The following ANKS1B variants were observed in gnomAD, a reference collection of about 807,000 sequenced individuals.
The protein encoded by ANKS1B is ankyrin repeat and sterile alpha motif domain containing 1B.
A neutral mutation model predicts 148.3 loss-of-function variants in ANKS1B; 36 were observed. The observed-to-expected ratio is 0.24, with a 90% confidence interval of 0.19 to 0.32. ANKS1B has a LOEUF of 0.32. Among genes scored for constraint, ANKS1B ranks in the 10% least tolerant of loss-of-function variants. The pLI is 1.00. For synonymous variants in ANKS1B, 542 were observed against 560.8 expected (o/e 0.97, Z 0.47); for missense variants, 1,157 against 1,542.6 (o/e 0.75, Z 4.19).
At chr12:99,867,734 AC>A (rs1310659810) in intron 1 of ANKS1B, among the ~76,000 whole-genome samples, 7 of 152,222 alleles carry the variant, frequency 4.6e-5, no homozygotes, top group Non-Finnish European at 8.8e-5. Context: ...GCCAGATCAT[AC>A]CACCAACATT....
intron 8 of ANKS1B, among the ~76,000 whole-genome samples, chr12:99,686,393 G>A (rs996761023): frequency 1.3e-5 from 2 of 152,068 alleles, no homozygotes; most frequent in African/African-American, 4.8e-5. Flanking sequence ...ATACCTCATT[G>A]TAGCCAATCA....
intron 15 of ANKS1B, among the ~76,000 whole-genome samples, chr12:99,144,692 G>T (rs1271480278): frequency 4.0e-5 from 6 of 151,898 alleles, no homozygotes; most frequent in Non-Finnish European, 7.4e-5. Flanking sequence ...AGTAGGATGT[G>T]GCCTTATTTG....
intron 16 of ANKS1B, among the ~76,000 whole-genome samples, chr12:99,079,507 A>G (rs1230994998): frequency 1.3e-5 from 2 of 152,208 alleles, no homozygotes; most frequent in African/African-American, 4.8e-5. Flanking sequence ...GCAATGAACA[A>G]AAGTGAATAC....
chr12:98,951,755 C>T (rs1162226009), intron 17 of ANKS1B, among the ~76,000 whole-genome samples: 6 of 152,222 alleles, frequency 3.9e-5, no homozygotes, highest in Non-Finnish European at 8.8e-5. Context: ...TTCATCCCAT[C>T]TCTCCGTCAG....
rs868395379 is a variant in ANKS1B at position 99,466,491 on chromosome 12, A to T, written c.1439-22682T>A. Reference sequence around the variant, plus strand: ...CAAAAAACCCTTCAAAAAATTAATAAATCCAGGAGCTGGTTTTTTGAAAGG... The same window carrying T: ...CAAAAAACCCTTCAAAAAATTAATATATCCAGGAGCTGGTTTTTTGAAAGG... On this transcript the variant is annotated intron_variant, in intron 10 of 26. Coordinates refer to ENST00000683438, the MANE Select transcript of ANKS1B (RefSeq NM_001352186.2). 1.4e-3 allele frequency among the ~76,000 whole-genome samples: 210 copies of T among 151,994 alleles called. 1 individual carries two copies. The Middle Eastern group carries it at 0.02, about 15-fold the overall frequency.
In ANKS1B at chr12:98,988,974, G is replaced by A. The variant is rs187625977; in HGVS notation, c.2778+64183C>T. On this transcript the variant is annotated intron_variant, in intron 17 of 26. Transcript: ENST00000683438. ...TTTGCTGTGTTTTTGTTTTGCTATT[G>A]AGTTAACTGAATTCCTTATATGTTT... 1.8e-3 allele frequency among the ~76,000 whole-genome samples: 274 copies of A among 151,950 alleles called. 1 individual carries two copies. Among genetic ancestry groups the A allele is most frequent in the African/African-American group, 6.3e-3 (262 of 41,490 alleles).
intron 12 of ANKS1B, among the ~76,000 whole-genome samples, chr12:99,372,546 T>C (rs1329345756): frequency 6.6e-6 from 1 of 152,174 alleles, no homozygotes; most frequent in East Asian, 1.9e-4. Flanking sequence ...TTGTAAATGA[T>C]ATTTTATGAT....
At chr12:99,846,434 T>C (rs990572362) in intron 1 of ANKS1B, among the ~76,000 whole-genome samples, 1 of 152,156 alleles carries the variant, frequency 6.6e-6, no homozygotes, top group South Asian at 2.1e-4. Context: ...ACATTGTAAC[T>C]ATGTCCATCT....
chr12:99,591,257 G>T (rs143651367), intron 9 of ANKS1B, among the ~76,000 whole-genome samples: 1 of 151,614 alleles, frequency 6.6e-6, no homozygotes, highest in African/African-American at 2.4e-5. Flanking sequence ...TATCTCGTTC[G>T]ATAAAAATAC....
chr12:99,313,007 A>G (rs1041554598), intron 12 of ANKS1B, among the ~76,000 whole-genome samples: 4 of 152,200 alleles, frequency 2.6e-5, no homozygotes, highest in Non-Finnish European at 4.4e-5. Flanking sequence ...AAAAATTAAC[A>G]AAATAGATAG....
At chr12:98,790,842 C>T (rs936644863) in intron 22 of ANKS1B, among the ~76,000 whole-genome samples, 5 of 152,150 alleles carry the variant, frequency 3.3e-5, no homozygotes. Flanking sequence ...AATCAATCAA[C>T]ATGTTTAGAA....
chr12:99,326,185 G>T (rs995793091), intron 12 of ANKS1B, among the ~76,000 whole-genome samples: 1 of 152,020 alleles, frequency 6.6e-6, no homozygotes, highest in African/African-American at 2.4e-5. Context: ...AGATGAGACT[G>T]GGGTGGGGAC....
At chr12:99,742,722 C>T (rs923438042) in intron 8 of ANKS1B, among the ~76,000 whole-genome samples, 31 of 151,832 alleles carry the variant, frequency 2.0e-4, no homozygotes, top group African/African-American at 7.2e-4. Context: ...ACTGTAATCC[C>T]AGCTACTCAG....
intron 17 of ANKS1B, among the ~76,000 whole-genome samples, chr12:98,898,409 C>A (rs1205359632): frequency 6.6e-6 from 1 of 151,866 alleles, no homozygotes; most frequent in Non-Finnish European, 1.5e-5. Flanking sequence ...CTAAAATAGC[C>A]CCTATTCATT....
At chr12:98,988,027 T>C (rs1038919018) in intron 17 of ANKS1B, among the ~76,000 whole-genome samples, 6 of 152,234 alleles carry the variant, frequency 3.9e-5, no homozygotes, top group African/African-American at 1.4e-4. Flanking sequence ...ATTTATTGCA[T>C]GCAACATGAT....
rs1157324619 is a variant in ANKS1B, at chr12:98,830,947, T to TTTTTTTTTTA, written c.2886+1081_2886+1082insTAAAAAAAAA. 12 of 126,598 alleles carry TTTTTTTTTTA rather than the reference T, an allele frequency of 9.5e-5. 2 individuals are homozygous for TTTTTTTTTTA. In the East Asian group the frequency reaches 2.7e-3, roughly 29 times the overall value. The allele number at this position is 126,598 out of a possible 1,614,324, so 7.8% of individuals were successfully genotyped here. A position where few individuals can be genotyped will look rare whatever the true frequency, so the allele number is the denominator to read the frequency against. ...TTAGTTTCCTACCTCATAATTTTTT[T>TTTTTTTTTTA]TTTTTTTTTTTTTTTTTTGAGATGG... On this transcript the variant is annotated intron_variant, in intron 18 of 26. Transcript: ENST00000683438.
chr12:98,737,731 T>A (rs2097780469), intron 9 of ANKS1B, among the ~76,000 whole-genome samples: 1 of 152,222 alleles, frequency 6.6e-6, no homozygotes, highest in Non-Finnish European at 1.5e-5. Flanking sequence ...TAGTTTGGCC[T>A]TTTTCTGTGA....
intron 15 of ANKS1B, among the ~76,000 whole-genome samples, chr12:99,090,618 G>T (rs535202074): frequency 6.6e-6 from 1 of 152,200 alleles, no homozygotes; most frequent in East Asian, 1.9e-4. Flanking sequence ...ACTTTAGTTT[G>T]CTTTTAATAT....
intron 14 of ANKS1B, among the ~76,000 whole-genome samples, chr12:99,161,349 C>A (rs2076641126): frequency 6.6e-6 from 1 of 152,054 alleles, no homozygotes; most frequent in South Asian, 2.1e-4. Context: ...GGCAACATAG[C>A]AAGCCCTCTA....
Sources: allele counts gnomAD v4.1 joint callset (sites outside exome capture counted in the v4.1 genomes callset), GRCh38; gene constraint gnomAD v4.1.1; transcripts MANE v1.5; gene names NCBI Gene and HGNC (gene_info 2026-07-23, HGNC 2026-07-21).